Variants in RYR2 observed in about 807,000 individuals in gnomAD.
The protein encoded by RYR2 is ryanodine receptor 2.
Under a neutral mutation model 601.1 loss-of-function variants are expected in RYR2, and 227 were observed. The observed-to-expected ratio is 0.38, with a 90% CI of 0.34 to 0.42. The LOEUF (loss-of-function observed/expected upper bound fraction) is 0.42, where lower values mean the gene tolerates loss of function less well. Among genes scored for constraint, RYR2 ranks in the 10% least tolerant of loss-of-function variants. The probability of loss-of-function intolerance (pLI) is 1.00; values close to 1 mark genes in which losing one functional copy is unlikely to be tolerated. For synonymous variants in RYR2, 2,223 were observed against 2,175.1 expected (o/e 1.02, Z -0.61); for missense variants, 4,646 against 6,156.5 (o/e 0.75, Z 8.21).
chr1:237,253,235 A>ATGT (rs1558502729), intron 1 of RYR2, among the ~76,000 whole-genome samples: 1 of 25,672 alleles, frequency 3.9e-5, no homozygotes, highest in Non-Finnish European at 6.9e-4. Context: ...AATTATTATT[A>ATGT]TATTATTATT....
chr1:237,383,414 CTTGTTTTTTTTTTTTTT>C (rs1701702214), intron 8 of RYR2, among the ~76,000 whole-genome samples: 1 of 64,782 alleles, frequency 1.5e-5, no homozygotes, highest in South Asian at 5.0e-4. Flanking sequence ...TTTCTTTTTT[CTTGTTTTTTTTTTTTTT>C]TTTTTTTTTT....
intron 1 of RYR2, among the ~76,000 whole-genome samples, chr1:237,244,909 A>G (rs1558488328): frequency 6.6e-6 from 1 of 152,166 alleles, no homozygotes; most frequent in African/African-American, 2.4e-5. Context: ...AAGTCCAAGG[A>G]TTCATTGTCT....
intron 78 of RYR2, among the ~76,000 whole-genome samples, chr1:237,732,382 G>T (rs148609983): frequency 8.3e-4 from 127 of 152,242 alleles, no homozygotes; most frequent in African/African-American, 2.9e-3. Context: ...TGTAATTAAT[G>T]ATGTAGTTGA....
At position 237,506,312 on chromosome 1, in the gene RYR2, C is replaced by T. The variant is rs539714265; in HGVS notation, c.2614-398C>T. Among the ~76,000 whole-genome samples the T allele has an allele frequency of 1.8e-3, 281 of 152,048 alleles. 5 individuals are homozygous for T. The highest frequency in any genetic ancestry group is 0.018 in the South Asian group (88 of 4,820). ...CAGCACTTTGGGAGGCCGAGGCGGG[C>T]GGATCACGAGGTCAGGAGATCGAAA... is the stretch of plus-strand genomic sequence containing the variant. On this transcript the variant is annotated intron_variant, in intron 22 of 104. Coordinates refer to ENST00000366574, the MANE Select transcript of RYR2 (RefSeq NM_001035.3).
chr1:237,554,716 T>C (rs913773011), intron 27 of RYR2, among the ~76,000 whole-genome samples: 1 of 152,010 alleles, frequency 6.6e-6, no homozygotes, highest in South Asian at 2.1e-4. Flanking sequence ...TGATAAATTA[T>C]GTTTTTCTGT....
chr1:237,709,243 T>C (rs1688627065), intron 69 of RYR2, 145 bp downstream of exon 69: 1 of 837,678 alleles, frequency 1.2e-6, no homozygotes, highest in Non-Finnish European at 1.8e-6. Flanking sequence ...AGTTAATTTT[T>C]GGCTTAAAAT....
chr1:237,251,523 C>A (rs2149274414), intron 1 of RYR2, among the ~76,000 whole-genome samples: 1 of 152,270 alleles, frequency 6.6e-6, no homozygotes, highest in East Asian at 1.9e-4. Flanking sequence ...AGAGGTCATT[C>A]TTTATAATTA....
intron 10 of RYR2, among the ~76,000 whole-genome samples, chr1:237,389,544 A>T (rs1702209164): frequency 6.6e-6 from 1 of 152,226 alleles, no homozygotes; most frequent in African/African-American, 2.4e-5. Context: ...CCAAGAACTT[A>T]GCCCAGATAA....
intron 97 of RYR2, among the ~76,000 whole-genome samples, chr1:237,801,367 CAAAAAA>C (rs71162423): frequency 0.36 from 34,003 of 94,940 alleles, 4,259 homozygotes; most frequent in East Asian, 0.58. Flanking sequence ...CCCATCTCTA[CAAAAAA>C]AAAAAAAAAA....
At chr1:237,777,489 G>A (rs181154576) in intron 87 of RYR2, among the ~76,000 whole-genome samples, 1 of 152,142 alleles carries the variant, frequency 6.6e-6, no homozygotes, top group African/African-American at 2.4e-5. Context: ...TTTGCCTAAA[G>A]GAATGAAGGA....
In RYR2 at chr1:237,674,110, C is replaced by T; in HGVS notation, c.8605C>T (p.Pro2869Ser). 1 of 1,611,830 alleles carries T rather than the reference C, an allele frequency of 6.2e-7. No individual in the cohort carries two copies. The highest frequency in any genetic ancestry group is 8.5e-7 in the Non-Finnish European group (1 of 1,178,206). The change falls in exon 59 of 105, where the codon CCT (proline) becomes TCT (serine). Residue 2869 changes from proline to serine, a missense_variant. Around this residue, in one of 17 missense-constraint regions of RYR2, gnomAD observed 1,497 missense variants for 1,842.6 expected, o/e 0.81. Coordinates refer to ENST00000366574, the MANE Select transcript of RYR2 (RefSeq NM_001035.3). ...CATACTCTTAGGAGGAGGAAACCAT[C>T]CTCTGCTGGTGCCCTATGATACACT... The part of the protein sequence containing the change: ...ELESKGGGNH[P>S]LLVPYDTLTA...
intron 1 of RYR2, among the ~76,000 whole-genome samples, chr1:237,064,751 C>CTTTTTTTTTTTTTTTTTTTTTT (rs551797601): frequency 9.1e-6 from 1 of 110,004 alleles, no homozygotes; most frequent in African/African-American, 4.0e-5. Flanking sequence ...TAGAACCTGT[C>CTTTTTTTTTTTTTTTTTTTTTT]TTTTTTTTTT....
chr1:237,403,929 T>C (rs977196402), intron 10 of RYR2, among the ~76,000 whole-genome samples: 1 of 152,096 alleles, frequency 6.6e-6, no homozygotes, highest in East Asian at 1.9e-4. Context: ...ATAATGATGA[T>C]TATAAAAACA....
chr1:237,271,899 G>A (rs1195256592), intron 2 of RYR2, among the ~76,000 whole-genome samples: 2 of 152,182 alleles, frequency 1.3e-5, no homozygotes, highest in Non-Finnish European at 2.9e-5. Flanking sequence ...GGGATCCAAG[G>A]CAGGCGGATC....
intron 25 of RYR2, among the ~76,000 whole-genome samples, chr1:237,541,501 T>C (rs1239861873): frequency 6.6e-6 from 1 of 152,202 alleles, no homozygotes. Flanking sequence ...TTTTTCTTCA[T>C]AGCATTTAAA....
At chr1:237,511,633 T>C in intron 23 of RYR2, 55 bp from the exon 24 acceptor site, 1 of 1,312,982 alleles carries the variant, frequency 7.6e-7, no homozygotes, top group Non-Finnish European at 1.1e-6. Flanking sequence ...TTGAATTCCA[T>C]TGCTAGTGCC....
chr1:237,779,324 T>C (rs1694912040), intron 88 of RYR2, among the ~76,000 whole-genome samples: 1 of 152,208 alleles, frequency 6.6e-6, no homozygotes, highest in African/African-American at 2.4e-5. Flanking sequence ...TTGAGGGCTA[T>C]TGAAAAATAT....
In RYR2 at chr1:237,709,567, T is replaced by C. The variant is rs370078129; in HGVS notation, c.10230T>C (p.His3410=). ...TGTTTATCTACTGGTCGAAGTCCCA[T>C]GTGAGTGTGAAAATATTGATAGATC... ...AEVFIYWSKS[H]NFKREEQNFV... is the part of the protein sequence containing the mutation. The change falls in exon 70 of 105, where the codon CAT becomes CAC. Residue 3410 remains histidine (H), a splice_region_variant and synonymous_variant. Coordinates refer to ENST00000366574, the MANE Select transcript of RYR2 (RefSeq NM_001035.3). 7.5e-6 allele frequency: 12 copies of C among 1,594,428 alleles called. No homozygotes were observed. Among genetic ancestry groups the C allele is most frequent in the Non-Finnish European group, 9.4e-6 (11 of 1,166,300 alleles).
chr1:237,687,183 A>AT (rs944329115), intron 62 of RYR2, among the ~76,000 whole-genome samples: 2 of 151,064 alleles, frequency 1.3e-5, no homozygotes, highest in Admixed American at 1.3e-4. Flanking sequence ...TTTGCTTTCA[A>AT]TTTTTTTTGG....
Sources: allele counts gnomAD v4.1 joint callset (sites outside exome capture counted in the v4.1 genomes callset), GRCh38; gene constraint gnomAD v4.1.1; regional missense constraint gnomAD v4.1.1; transcripts MANE v1.5; gene names NCBI Gene and HGNC (gene_info 2026-07-23, HGNC 2026-07-21).